The following ARHGAP29 variants were observed in gnomAD, a reference collection of about 807,000 sequenced individuals.
ARHGAP29 encodes the protein Rho GTPase activating protein 29, also known as rho GTPase-activating protein 29.
Under a neutral mutation model 122.6 loss-of-function variants are expected in ARHGAP29, and 43 were observed. The ratio of observed to expected loss-of-function variants is 0.35; its 90% CI spans 0.27 to 0.45. The LOEUF is 0.45. ARHGAP29 is among the 20% of genes least tolerant of loss of function. ARHGAP29 has a pLI of 1.00. For missense variants in ARHGAP29, 1,303 were observed against 1,477.2 expected (o/e 0.88, Z 1.93); for synonymous variants, 506 against 497.1 (o/e 1.02, Z -0.24).
chr1:94,183,352 T>C (rs1352212054), intron 19 of ARHGAP29, among the ~76,000 whole-genome samples: 3 of 152,176 alleles, frequency 2.0e-5, no homozygotes, highest in African/African-American at 7.2e-5. Flanking sequence ...GGTCTTTTTT[T>C]GTACGTGTCT....
chr1:94,283,342 G>A, the ARHGAP29 span, among the ~76,000 whole-genome samples: 1 of 152,160 alleles, frequency 6.6e-6, no homozygotes, highest in Non-Finnish European at 1.5e-5. Context: ...GGCTCACAGG[G>A]CTGCTGAGTG....
intron 1 of ARHGAP29, among the ~76,000 whole-genome samples, chr1:94,258,197 T>A (rs1434061729): frequency 6.6e-6 from 1 of 152,210 alleles, no homozygotes; most frequent in African/African-American, 2.4e-5. Flanking sequence ...CAGTTAACAC[T>A]AATTGTTCAG....
At position 94,174,486 on chromosome 1, in the gene ARHGAP29, T is replaced by A; in HGVS notation, c.3169A>T (p.Asn1057Tyr). ...FCKNPAFEGVNRKDAATTVCS... is the reference protein window; with the variant it reads ...FCKNPAFEGVYRKDAATTVCS... ...ACAGTAGTAGCAGCGTCTTTTCTAT[T>A]AACTCCTTCAAAGGCAGGATTCTTG... The change falls in exon 23 of 23, where the codon AAT (asparagine) becomes TAT (tyrosine). Residue 1057 changes from asparagine (N) to tyrosine (Y), a missense_variant. Asn to Tyr is a moderately radical substitution (Grantham distance 143, BLOSUM62 -2). This residue lies in a region of ARHGAP29 where 620 missense variants were observed against 651.2 expected (regional missense o/e 0.95). Transcript: ENST00000260526. The A allele has an allele frequency of 6.2e-7, 1 of 1,614,240 alleles. No individual in the cohort carries two copies.
chr1:94,192,450 G>A (rs1650181939), intron 12 of ARHGAP29: 1 of 152,204 alleles, frequency 6.6e-6, no homozygotes, highest in Non-Finnish European at 1.5e-5. Context: ...GAGGGGTGAT[G>A]GGAGATGAAA....
the ARHGAP29 span, among the ~76,000 whole-genome samples, chr1:94,295,716 C>CTCCACACAATGTGGAATCTTCTAAG: frequency 2.3e-5 from 2 of 88,006 alleles, no homozygotes; most frequent in Non-Finnish European, 4.4e-5. Flanking sequence ...GGAATTCTAA[C>CTCCACACAATGTGGAATCTTCTAAG]TCCACACAAT....
intron 1 of ARHGAP29, chr1:94,247,772 G>C (rs1003024197): frequency 2.0e-6 from 1 of 498,058 alleles, no homozygotes; most frequent in Non-Finnish European, 2.6e-6. Context: ...CCGGCCGCCT[G>C]CCCCGCCCCT....
chr1:94,251,831 T>C (rs1654108127), intron 1 of ARHGAP29, among the ~76,000 whole-genome samples: 1 of 152,214 alleles, frequency 6.6e-6, no homozygotes, highest in South Asian at 2.1e-4. Context: ...ACTCCCTTTC[T>C]TCCTTACTCT....
the ARHGAP29 span, among the ~76,000 whole-genome samples, chr1:94,289,477 C>T: frequency 6.6e-6 from 1 of 152,176 alleles, no homozygotes; most frequent in African/African-American, 2.4e-5. Flanking sequence ...ATTGAATACA[C>T]TTTATTTCTT....
At chr1:94,199,321 T>C (rs1650689983) in intron 12 of ARHGAP29, among the ~76,000 whole-genome samples, 1 of 152,224 alleles carries the variant, frequency 6.6e-6, no homozygotes, top group Admixed American at 6.5e-5. Flanking sequence ...AACTGATTTT[T>C]ACCAAGATGC....
chr1:94,263,667 A>C (rs956382306), intron 1 of ARHGAP29, among the ~76,000 whole-genome samples: 3 of 152,122 alleles, frequency 2.0e-5, no homozygotes, highest in Non-Finnish European at 4.4e-5. Flanking sequence ...ATATAATATC[A>C]CTATCCGTGA....
chr1:94,299,488 C>G, the ARHGAP29 span, among the ~76,000 whole-genome samples: 1 of 151,944 alleles, frequency 6.6e-6, no homozygotes, highest in Non-Finnish European at 1.5e-5. Context: ...CTGACAAATG[C>G]GATAAACTTT....
chr1:94,309,355 G>A, the ARHGAP29 span, among the ~76,000 whole-genome samples: 931 of 152,246 alleles, frequency 6.1e-3, 7 homozygotes, highest in African/African-American at 0.021. Context: ...GGGAGGTCAG[G>A]GCCCTCTTTG....
intron 3 of ARHGAP29, among the ~76,000 whole-genome samples, 177 bp downstream of exon 3, chr1:94,220,077 GAAGA>G (rs1464903941): frequency 1.3e-5 from 2 of 152,158 alleles, no homozygotes; most frequent in Non-Finnish European, 2.9e-5. Context: ...TTTTTAAAAG[GAAGA>G]AAGCTTTAGG....
Position 94,179,933 on chromosome 1 carries a change from G to A in ARHGAP29, c.2272C>T (p.Arg758Ter), listed in dbSNP as rs267598779. 1.9e-6 allele frequency: 3 copies of A among 1,605,052 alleles called. No homozygotes were observed. Among genetic ancestry groups the A allele is most frequent in the Non-Finnish European group, 2.5e-6 (3 of 1,177,416 alleles). ...RQLPEPFILF[R>*]LYKEFIDLAK... is the part of the protein sequence containing the mutation. ...AGGTCTATAAATTCCTTGTACAATC[G>A]AAATAAAATAAATGGTTCTGGGAGC... The change falls in exon 20 of 23, where the codon CGA (arginine) becomes TGA (stop). Residue 758 changes from arginine to a stop codon, truncating the protein, a stop_gained. Transcript: ENST00000260526. LOFTEE classifies it high-confidence loss of function.
chr1:94,198,534 A>T (rs1312793415), intron 12 of ARHGAP29, among the ~76,000 whole-genome samples: 2 of 152,118 alleles, frequency 1.3e-5, no homozygotes, highest in Non-Finnish European at 2.9e-5. Context: ...AAATAAAGGA[A>T]ATCTATACAT....
intron 3 of ARHGAP29, among the ~76,000 whole-genome samples, chr1:94,210,557 C>A (rs991692661): frequency 6.6e-6 from 1 of 152,104 alleles, no homozygotes; most frequent in Non-Finnish European, 1.5e-5. Context: ...AGGTGGGAGG[C>A]TAAGATCCAT....
intron 1 of ARHGAP29, among the ~76,000 whole-genome samples, chr1:94,271,002 C>A (rs1654968558): frequency 6.6e-6 from 1 of 152,194 alleles, no homozygotes; most frequent in East Asian, 1.9e-4. Flanking sequence ...GGCTGGACCC[C>A]CCAGCTCAGG....
chr1:94,199,423 A>G (rs1313751605), intron 12 of ARHGAP29, among the ~76,000 whole-genome samples: 2 of 152,174 alleles, frequency 1.3e-5, no homozygotes, highest in African/African-American at 4.8e-5. Context: ...TATTTTCTCT[A>G]TTTTATGCAG....
intron 13 of ARHGAP29, 38 bp downstream of exon 13, chr1:94,189,888 A>G (rs762677871): frequency 1.3e-6 from 2 of 1,595,228 alleles, no homozygotes; most frequent in Non-Finnish European, 1.7e-6. Context: ...TAAGTGTTTT[A>G]TATTTTGAAA....
Sources: allele counts gnomAD v4.1 joint callset (sites outside exome capture counted in the v4.1 genomes callset), GRCh38; gene constraint gnomAD v4.1.1; regional missense constraint gnomAD v4.1.1; transcripts MANE v1.5; gene names NCBI Gene and HGNC (gene_info 2026-07-23, HGNC 2026-07-21).